AP4S1: variants seen among roughly 807,000 people sequenced by gnomAD.
AP4S1 encodes adaptor related protein complex 4 subunit sigma 1.
Under a neutral mutation model 19.8 loss-of-function variants are expected in AP4S1, and 23 were observed. The observed-to-expected ratio is 1.16, with a 90% confidence interval of 0.84 to 1.65. The LOEUF is 1.65. Among genes scored for constraint, AP4S1 ranks in the 40% most tolerant of loss-of-function variants. AP4S1 has a pLI of 0.00. For missense variants in AP4S1, 166 were observed against 172.8 expected (o/e 0.96, Z 0.22); for synonymous variants, 46 against 54.1 (o/e 0.85, Z 0.66).
chr14:31,074,951 C>T (rs1401259827), intron 4 of AP4S1, among the ~76,000 whole-genome samples: 1 of 152,036 alleles, frequency 6.6e-6, no homozygotes, highest in Non-Finnish European at 1.5e-5. Context: ...TAATTTGATA[C>T]ATTCATATAA....
At chr14:31,035,825 G>T in intron 1 of AP4S1, among the ~76,000 whole-genome samples, 1 of 146,004 alleles carries the variant, frequency 6.8e-6, no homozygotes, top group East Asian at 2.0e-4. Flanking sequence ...CGCCTCCTGG[G>T]TTCACTCCAT....
intron 1 of AP4S1, among the ~76,000 whole-genome samples, chr14:31,032,071 CAAAAAAAAAAAAA>C (rs71905676): frequency 1.8e-5 from 2 of 110,608 alleles, no homozygotes; most frequent in Admixed American, 8.9e-5. Flanking sequence ...GACCTTGTCC[CAAAAAAAAAAAAA>C]AAAAAAAGAA....
At chr14:31,031,607 T>C (rs1401397863) in intron 1 of AP4S1, among the ~76,000 whole-genome samples, 3 of 152,216 alleles carry the variant, frequency 2.0e-5, no homozygotes, top group Admixed American at 6.5e-5. Context: ...AAATATTTTG[T>C]AAACTCTTGA....
chr14:31,028,200 C>A (rs1374664690), intron 1 of AP4S1, among the ~76,000 whole-genome samples: 1 of 149,830 alleles, frequency 6.7e-6, no homozygotes, highest in East Asian at 1.9e-4. Context: ...TTTTTTGAGA[C>A]AGGGTCTCAC....
At chr14:31,077,088 C>T (rs1887400113) in intron 4 of AP4S1, among the ~76,000 whole-genome samples, 1 of 152,056 alleles carries the variant, frequency 6.6e-6, no homozygotes, top group South Asian at 2.1e-4. Context: ...CGCCACCACG[C>T]CTGGCTAATT....
At chr14:31,081,221 A>G (rs1887622196) in intron 5 of AP4S1, among the ~76,000 whole-genome samples, 1 of 152,182 alleles carries the variant, frequency 6.6e-6, no homozygotes, top group Non-Finnish European at 1.5e-5. Flanking sequence ...TAACACAGCC[A>G]AAAAAGTGTT....
At chr14:31,071,764 C>T (rs145783926) in intron 3 of AP4S1, among the ~76,000 whole-genome samples, 76 of 152,158 alleles carry the variant, frequency 5.0e-4, no homozygotes, top group Admixed American at 7.9e-4. Flanking sequence ...GGCTAGAATG[C>T]AGTGGCACCT....
At chr14:31,085,543 G>A in intron 5 of AP4S1, 1 of 981,810 alleles carries the variant, frequency 1.0e-6, no homozygotes, top group Non-Finnish European at 1.2e-6. Flanking sequence ...GAGGGCTGAA[G>A]CAGGAGGATT....
In AP4S1 at chr14:31,073,212, A is replaced by C. The variant is rs111925674; in HGVS notation, c.294+239A>C. On this transcript the variant is annotated intron_variant, in intron 4 of 5. Transcript: ENST00000542754. ...AAAAAAAAAAAAAACCTCTTATAGC[A>C]GGGCGCGATGGCTCACGCCTGTAAT... The C allele has an allele frequency of 0.15, 65,165 of 441,136 alleles. 5,843 individuals are homozygous for C. Among genetic ancestry groups the C allele is most frequent in the Middle Eastern group, 0.2 (286 of 1,434 alleles). 27.3% of individuals were successfully genotyped at this position (441,136 alleles called of 1,614,324 possible). A position where few individuals can be genotyped will look rare whatever the true frequency, so the allele number is the denominator to read the frequency against.
intron 1 of AP4S1, among the ~76,000 whole-genome samples, chr14:31,053,832 C>T (rs1453402362): frequency 6.6e-6 from 1 of 151,710 alleles, no homozygotes; most frequent in Non-Finnish European, 1.5e-5. Context: ...TTTTAGAGTT[C>T]ATCAATTTAT....
chr14:31,045,920 C>A (rs971163415), intron 1 of AP4S1, among the ~76,000 whole-genome samples: 7 of 151,098 alleles, frequency 4.6e-5, no homozygotes, highest in Non-Finnish European at 1.0e-4. Flanking sequence ...TTGGAAATTT[C>A]ATCCCCACCC....
chr14:31,058,318 T>G (rs1268270659), intron 1 of AP4S1, among the ~76,000 whole-genome samples: 4 of 152,214 alleles, frequency 2.6e-5, no homozygotes, highest in Non-Finnish European at 4.4e-5. Context: ...ATTCCTGCTC[T>G]AAGTAACCTT....
chr14:31,040,587 A>C (rs1438870670), intron 1 of AP4S1, among the ~76,000 whole-genome samples: 2 of 152,184 alleles, frequency 1.3e-5, no homozygotes, highest in African/African-American at 4.8e-5. Flanking sequence ...GAAAAGAAAA[A>C]TGTACTATAT....
chr14:31,069,446 T>C (rs1053222569), intron 2 of AP4S1, among the ~76,000 whole-genome samples: 4 of 152,202 alleles, frequency 2.6e-5, no homozygotes, highest in African/African-American at 9.7e-5. Context: ...ACTGAGAATA[T>C]CTAATTGCTT....
chr14:31,074,051 C>T (rs1041973862), intron 4 of AP4S1, among the ~76,000 whole-genome samples: 31 of 150,804 alleles, frequency 2.1e-4, no homozygotes, highest in East Asian at 7.9e-4. Flanking sequence ...TGTAATTGGC[C>T]GGGTGTGGCT....
At chr14:31,025,873 C>T in intron 1 of AP4S1, 86 bp downstream of exon 1, 1 of 1,585,446 alleles carries the variant, frequency 6.3e-7, no homozygotes, top group East Asian at 2.3e-5. Context: ...CCAGCCGCCG[C>T]AGCTCCCGCA....
intron 1 of AP4S1, among the ~76,000 whole-genome samples, chr14:31,039,648 C>T (rs1165019921): frequency 6.7e-6 from 1 of 150,028 alleles, no homozygotes; most frequent in Non-Finnish European, 1.5e-5. Flanking sequence ...TCTCGACTCA[C>T]TGCAAGCTCC....
At chr14:31,065,659 A>G (rs981488632) in intron 1 of AP4S1, among the ~76,000 whole-genome samples, 1 of 151,900 alleles carries the variant, frequency 6.6e-6, no homozygotes, top group Admixed American at 6.6e-5. Context: ...ATTTTATTTT[A>G]TTTATTTATG....
At chr14:31,055,464 A>G (rs935727602) in intron 1 of AP4S1, among the ~76,000 whole-genome samples, 6 of 152,084 alleles carry the variant, frequency 3.9e-5, no homozygotes, top group African/African-American at 9.7e-5. Context: ...TCTCACAACA[A>G]CCTAGGAAGT....
Sources: gnomAD v4.1 joint callset for allele counts (sites outside exome capture counted in the v4.1 genomes callset) on GRCh38, gnomAD v4.1.1 for gene constraint, MANE v1.5 for transcripts, NCBI Gene and HGNC (gene_info 2026-07-23, HGNC 2026-07-21) for gene names.